Variants in MEPE observed in about 807,000 individuals in gnomAD.
The protein encoded by MEPE is matrix, extracellular phosphoglycoprotein with ASARM motif (bone).
Under a neutral mutation model 7.3 loss-of-function variants are expected in MEPE, and 7 were observed. That is an observed-to-expected ratio of 0.95 (90% CI 0.54 to 1.79). The LOEUF is 1.79. Among genes scored for constraint, MEPE ranks in the 40% most tolerant of loss-of-function variants. The pLI, the probability that MEPE is intolerant of heterozygous loss-of-function variation, is 0.00. For missense variants in MEPE, 623 were observed against 628.2 expected, an observed-to-expected ratio of 0.99 and a Z score of 0.09; for synonymous variants, 214 against 213.1, an observed-to-expected ratio of 1.00 and a Z score of -0.04.
chr4:87,821,597 G>C (rs964541793), intron 1 of MEPE: 1 of 152,184 alleles, frequency 6.6e-6, no homozygotes, highest in South Asian at 2.1e-4. Context: ...AGACAAGCAA[G>C]TGGGCAAAAC....
intron 3 of MEPE, among the ~76,000 whole-genome samples, chr4:87,844,528 A>G (rs1723132304): frequency 6.6e-6 from 1 of 150,614 alleles, no homozygotes; most frequent in African/African-American, 2.5e-5. Context: ...AGAAAAAGAA[A>G]ATACTCCTTT....
rs752690498 is a variant in MEPE, at chr4:87,845,944, A to G, written c.1076A>G (p.Asp359Gly). 58 of 1,613,900 alleles carry G rather than the reference A, an allele frequency of 3.6e-5. No homozygotes were observed. Among genetic ancestry groups the G allele is most frequent in the Non-Finnish European group, 4.8e-5 (57 of 1,179,956 alleles). Residue 359 changes from aspartate to glycine, a missense_variant, in exon 4 of 4, where the codon GAT (aspartate) becomes GGT (glycine). Physicochemically the swap from Asp to Gly is moderately conservative, Grantham distance 94. Coordinates refer to ENST00000361056, the MANE Select transcript of MEPE (RefSeq NM_020203.6). ...CCTGGAAGAGAAGGAAACAGAGTGGATGCTGGCAGCCAAAATGCTCACCAA... is the reference window on the plus strand; with the variant it reads ...CCTGGAAGAGAAGGAAACAGAGTGGGTGCTGGCAGCCAAAATGCTCACCAA... ...ELPGREGNRV[D>G]AGSQNAHQGK...
At chr4:87,834,445 T>C (rs930076231) in intron 1 of MEPE, among the ~76,000 whole-genome samples, 2 of 152,366 alleles carry the variant, frequency 1.3e-5, no homozygotes, top group East Asian at 3.9e-4. Context: ...AATATATTTC[T>C]ATCAACTGAC....
At chr4:87,833,059 T>C (rs1176322173) in intron 1 of MEPE, 45 bp downstream of exon 1, 3 of 152,204 alleles carry the variant, frequency 2.0e-5, no homozygotes, top group Non-Finnish European at 2.9e-5. Flanking sequence ...CTTTATATCA[T>C]AGTTGTTTAC....
At chr4:87,828,454 G>C (rs1388710500), upstream of MEPE, among the ~76,000 whole-genome samples, 1 of 151,972 alleles carries the variant, frequency 6.6e-6, no homozygotes, top group African/African-American at 2.4e-5. Context: ...GAATAAATTG[G>C]GGACCATGAT....
chr4:87,840,023 G>A, intron 3 of MEPE: 1 of 1,535,438 alleles, frequency 6.5e-7, no homozygotes, highest in Non-Finnish European at 8.7e-7. Flanking sequence ...TTCAGGACCT[G>A]TGGCTGCAGG....
At chr4:87,825,258 G>T (rs1029601060) in intron 1 of MEPE, among the ~76,000 whole-genome samples, 6 of 152,156 alleles carry the variant, frequency 3.9e-5, no homozygotes, top group Admixed American at 1.3e-4. Context: ...CAGCTGAGGG[G>T]AAGCTTGATC....
chr4:87,838,918 C>T (rs955524259), intron 3 of MEPE, among the ~76,000 whole-genome samples: 2 of 152,230 alleles, frequency 1.3e-5, no homozygotes, highest in Middle Eastern at 3.2e-3. Context: ...AGTATGATTT[C>T]TTCCTTCAAA....
chr4:87,828,035 G>A (rs984341466), upstream of MEPE, among the ~76,000 whole-genome samples: 9 of 152,268 alleles, frequency 5.9e-5, no homozygotes, highest in East Asian at 7.7e-4. Flanking sequence ...GAATGAACAC[G>A]TTTAAAATGA....
At chr4:87,839,849 G>C in intron 3 of MEPE, 1 of 1,543,428 alleles carries the variant, frequency 6.5e-7, no homozygotes, top group Non-Finnish European at 8.8e-7. Context: ...AAAATGTAGG[G>C]GAGGCAAAGT....
chr4:87,827,023 G>A (rs1722487235), intron 1 of MEPE, among the ~76,000 whole-genome samples: 1 of 152,120 alleles, frequency 6.6e-6, no homozygotes, highest in Admixed American at 6.6e-5. Flanking sequence ...ATTTCTGACT[G>A]AGCATTTTAA....
chr4:87,826,974 C>T (rs1448272463), intron 1 of MEPE, among the ~76,000 whole-genome samples: 1 of 152,092 alleles, frequency 6.6e-6, no homozygotes, highest in Non-Finnish European at 1.5e-5. Flanking sequence ...ATGATAGATT[C>T]TTTTGCTGTG....
chr4:87,840,757 G>A (rs1239103321), intron 3 of MEPE, among the ~76,000 whole-genome samples: 1 of 152,062 alleles, frequency 6.6e-6, no homozygotes, highest in African/African-American at 2.4e-5. Flanking sequence ...TTAGTTCCTG[G>A]CCTCTGGTGT....
intron 1 of MEPE, among the ~76,000 whole-genome samples, chr4:87,823,960 G>T (rs997667072): frequency 6.6e-6 from 1 of 152,120 alleles, no homozygotes; most frequent in South Asian, 2.1e-4. Flanking sequence ...TGATTTGTTG[G>T]TTGAAGAATA....
chr4:87,836,838 T>C (rs1722813946), intron 2 of MEPE, among the ~76,000 whole-genome samples: 2 of 152,210 alleles, frequency 1.3e-5, no homozygotes, highest in Admixed American at 1.3e-4. Flanking sequence ...TTCTGTTTCT[T>C]CTACTGCTCA....
chr4:87,827,549 C>A (rs1722500942), intron 1 of MEPE, among the ~76,000 whole-genome samples: 1 of 152,150 alleles, frequency 6.6e-6, no homozygotes, highest in Non-Finnish European at 1.5e-5. Flanking sequence ...AACAAAACAG[C>A]AACCTCTGAA....
rs1005711644 is a variant in MEPE, at chr4:87,834,766, C to T, written c.52C>T (p.Pro18Ser). Residue 18 changes from proline to serine, a missense_variant and splice_region_variant, in exon 2 of 4, where the codon CCA becomes TCA. Physicochemically the swap from Pro to Ser is moderately conservative, Grantham distance 74 (BLOSUM62 -1). Coordinates refer to ENST00000361056, the MANE Select transcript of MEPE (RefSeq NM_020203.6). ...LLLFSVTWAA[P>S]TFQPQTEKTK... ...CCTTTTCAGTGTGACCTGGGCAGCA[C>T]CAGTAAGTATTTACAAATTCAATTA... The T allele has an allele frequency of 6.2e-7, 1 of 1,610,358 alleles. No individual in the cohort carries two copies. The highest frequency in any genetic ancestry group is 1.3e-5 in the African/African-American group (1 of 74,814).
intron 1 of MEPE, among the ~76,000 whole-genome samples, chr4:87,834,414 A>G (rs1056963305): frequency 4.6e-5 from 7 of 152,242 alleles, no homozygotes; most frequent in African/African-American, 1.7e-4. Context: ...CTGATGATAG[A>G]GCAAATAAAT....
At chr4:87,834,461 T>C (rs544468897) in intron 1 of MEPE, among the ~76,000 whole-genome samples, 18 of 152,370 alleles carry the variant, frequency 1.2e-4, no homozygotes, top group South Asian at 8.3e-4. Flanking sequence ...CTGACTTTAC[T>C]GTTTTAATGA....
Sources: allele counts gnomAD v4.1 joint callset (sites outside exome capture counted in the v4.1 genomes callset), GRCh38; gene constraint gnomAD v4.1.1; transcripts MANE v1.5; gene names NCBI Gene and HGNC (gene_info 2026-07-23, HGNC 2026-07-21).